ATP11A: variants seen among roughly 807,000 people sequenced by gnomAD.
ATP11A encodes the protein ATPase phospholipid transporting 11A, also known as phospholipid-transporting ATPase IH.
In ATP11A, 81 loss-of-function variants were observed where a neutral mutation model predicts 154.4. That is an observed-to-expected ratio of 0.52 (90% CI 0.44 to 0.63). The LOEUF is 0.63. Ranked by LOEUF, ATP11A falls within the 30% of genes least tolerant of loss-of-function variation. The pLI is 0.00. For missense variants in ATP11A, 1,316 were observed against 1,474.3 expected (o/e 0.89, Z 1.76); for synonymous variants, 623 against 585.9 (o/e 1.06, Z -0.91).
chr13:112,703,743 T>TC lies in ATP11A; in HGVS notation c.39+13291dup, dbSNP rs1354928067. Among the ~76,000 whole-genome samples, 4 of 152,218 alleles carry TC rather than the reference T, an allele frequency of 2.6e-5. 1 individual carries two copies. Among genetic ancestry groups the TC allele is most frequent in the African/African-American group, 7.2e-5 (3 of 41,534 alleles). On this transcript the variant is annotated intron_variant, in intron 1 of 29. Transcript: ENST00000375645. ...TATGTCTTCTTTTTGCTTTTTTTTTTCCCACTGGAGAAAGCTGGTAGGGGA... is the reference window on the plus strand; with the variant it reads ...TATGTCTTCTTTTTGCTTTTTTTTTTCCCCACTGGAGAAAGCTGGTAGGGGA...
chr13:112,728,483 G>A (rs754978333), intron 1 of ATP11A, among the ~76,000 whole-genome samples: 1 of 149,580 alleles, frequency 6.7e-6, no homozygotes, highest in Non-Finnish European at 1.5e-5. Context: ...CCGCTTCCCT[G>A]TGTTACCTGT....
intron 14 of ATP11A, among the ~76,000 whole-genome samples, chr13:112,833,974 C>T (rs918738769): frequency 3.3e-5 from 5 of 152,236 alleles, no homozygotes; most frequent in Non-Finnish European, 4.4e-5. Flanking sequence ...TGCCGCGAAG[C>T]ACGTCTGTCT....
At chr13:112,801,472 C>T (rs1420134202) in intron 2 of ATP11A, among the ~76,000 whole-genome samples, 1 of 152,166 alleles carries the variant, frequency 6.6e-6, no homozygotes, top group Non-Finnish European at 1.5e-5. Flanking sequence ...GAATAAAAGT[C>T]CTACAGATTG....
intron 16 of ATP11A, among the ~76,000 whole-genome samples, chr13:112,839,996 G>A (rs1422667937): frequency 3.9e-5 from 6 of 152,118 alleles, no homozygotes; most frequent in African/African-American, 1.2e-4. Context: ...TTTAACCCCC[G>A]GGCCCTGCTT....
chr13:112,764,624 C>T (rs1224114850), intron 1 of ATP11A, among the ~76,000 whole-genome samples: 6 of 152,208 alleles, frequency 3.9e-5, no homozygotes, highest in African/African-American at 1.4e-4. Flanking sequence ...CGAAGAGGAC[C>T]TGGAAGCCCA....
chr13:112,736,293 G>A (rs746366559), intron 1 of ATP11A, among the ~76,000 whole-genome samples: 46 of 152,178 alleles, frequency 3.0e-4, no homozygotes, highest in Non-Finnish European at 5.9e-4. Context: ...GCACCTTCAT[G>A]GGAGTTGCAT....
chr13:112,802,126 C>T (rs1371293556), intron 2 of ATP11A, among the ~76,000 whole-genome samples: 5 of 152,142 alleles, frequency 3.3e-5, no homozygotes, highest in East Asian at 1.9e-4. Flanking sequence ...GGGCGGATCA[C>T]GAGGTCAGGA....
Position 112,883,010 on chromosome 13 carries a change from G to A in ATP11A, c.*1144G>A, listed in dbSNP as rs190464046. On this transcript the variant is annotated 3_prime_UTR_variant, in exon 30 of 30. Coordinates refer to ENST00000375645, the MANE Select transcript of ATP11A (RefSeq NM_015205.3). ...GGGCTCTGCGTCCCCACGTCCCCTC[G>A]TCCCATCCCCACGTCCCCTCATCCC... 13 of 398,562 alleles carry A rather than the reference G, an allele frequency of 3.3e-5. No individual in the cohort carries two copies. Among genetic ancestry groups the A allele is most frequent in the Middle Eastern group, 6.3e-4 (1 of 1,582 alleles). 24.7% of individuals were successfully genotyped at this position (398,562 alleles called of 1,614,324 possible).
intron 16 of ATP11A, among the ~76,000 whole-genome samples, chr13:112,841,807 G>A (rs760856313): frequency 3.9e-5 from 6 of 152,252 alleles, no homozygotes; most frequent in African/African-American, 9.6e-5. Context: ...TACTGGACGT[G>A]TGGGAAAAAA....
At chr13:112,734,126 G>A (rs1419444532) in intron 1 of ATP11A, among the ~76,000 whole-genome samples, 1 of 152,162 alleles carries the variant, frequency 6.6e-6, no homozygotes, top group African/African-American at 2.4e-5. Flanking sequence ...GTGCTCCTGG[G>A]CTTCACTAAC....
Position 112,875,878 on chromosome 13 carries a change from T to C in ATP11A, c.3264T>C (p.Leu1088=), listed in dbSNP as rs2080707088. ...AIVLLVTISL[L]PDVLKKVLCR... ...TGCTGCTGGTGACCATCAGCCTCCT[T>C]CCCGACGTCCTCAAGAAAGTCCTGT... The change falls in exon 28 of 30, where the codon CTT becomes CTC. Residue 1088 remains leucine, a synonymous_variant. Coordinates refer to ENST00000375645, the MANE Select transcript of ATP11A (RefSeq NM_015205.3). The surrounding 1 kb of genome is among the most constrained non-coding windows in gnomAD (Gnocchi z 4.1). 6.2e-7 allele frequency: 1 copy of C among 1,613,598 alleles called. No homozygotes were observed. The highest frequency in any genetic ancestry group is 1.3e-5 in the African/African-American group (1 of 74,914).
chr13:112,864,780 A>T, intron 25 of ATP11A, among the ~76,000 whole-genome samples: 1 of 58,628 alleles, frequency 1.7e-5, no homozygotes, highest in African/African-American at 1.8e-4. Flanking sequence ...AGTGCGGCCC[A>T]TGCAGCTTCT....
At position 112,883,218 on chromosome 13, in the gene ATP11A, A is replaced by G. The variant is rs778377104; in HGVS notation, c.*1352A>G. On this transcript the variant is annotated 3_prime_UTR_variant, in exon 30 of 30. Transcript: ENST00000375645. ...CTCTCCTTCGTCTTAGGATCTGTCC[A>G]GCGCTGCTCTGGGTGGGTTAGCAAC... 2.8e-5 allele frequency: 11 copies of G among 398,456 alleles called. No homozygotes were observed. The highest frequency in any genetic ancestry group is 4.4e-5 in the Non-Finnish European group (10 of 226,176). 24.7% of individuals were successfully genotyped at this position (398,456 alleles called of 1,614,324 possible).
At chr13:112,842,527 C>T in intron 17 of ATP11A, 148 bp downstream of exon 17, 1 of 699,858 alleles carries the variant, frequency 1.4e-6, no homozygotes, top group South Asian at 1.8e-5. Flanking sequence ...GGCAGACAGA[C>T]AGGCAGCCTC....
chr13:112,875,871 GCCT>G lies in ATP11A; in HGVS notation c.3261_3263del (p.Leu1088del), dbSNP rs2080706823. ...GCCATCGTGCTGCTGGTGACCATCA[GCCT>G]CCTTCCCGACGTCCTCAAGAAAGTC... On this transcript the variant is annotated inframe_deletion, in exon 28 of 30. Transcript: ENST00000375645. The surrounding 1 kb of genome is among the most constrained non-coding windows in gnomAD (Gnocchi z 4.1). The G allele has an allele frequency of 6.2e-7, 1 of 1,613,764 alleles. No homozygotes were observed. Among genetic ancestry groups the G allele is most frequent in the Non-Finnish European group, 8.5e-7 (1 of 1,180,046 alleles).
chr13:112,744,254 T>A (rs932750780), intron 1 of ATP11A, among the ~76,000 whole-genome samples: 1 of 151,644 alleles, frequency 6.6e-6, no homozygotes, highest in Non-Finnish European at 1.5e-5. Flanking sequence ...GACGGATTTC[T>A]CTGTCCTCCC....
At chr13:112,721,281 T>C (rs1457332162) in intron 1 of ATP11A, among the ~76,000 whole-genome samples, 2 of 152,064 alleles carry the variant, frequency 1.3e-5, no homozygotes, top group African/African-American at 4.8e-5. Context: ...AGCGTTAGGG[T>C]CCATCTTAGT....
intron 1 of ATP11A, among the ~76,000 whole-genome samples, chr13:112,778,971 G>A (rs866722591): frequency 9.0e-6 from 1 of 110,512 alleles, no homozygotes; most frequent in African/African-American, 3.2e-5. Flanking sequence ...GTGAGTAGCC[G>A]CTGGAGTGAG....
chr13:112,751,227 C>G (rs1169102378), intron 1 of ATP11A, among the ~76,000 whole-genome samples: 1 of 152,170 alleles, frequency 6.6e-6, no homozygotes, highest in Non-Finnish European at 1.5e-5. Context: ...AGGCATGTGT[C>G]TTGGTATTGT....
Sources: allele counts gnomAD v4.1 joint callset (sites outside exome capture counted in the v4.1 genomes callset), GRCh38; gene constraint gnomAD v4.1.1; non-coding constraint Gnocchi (gnomAD v3.1); transcripts MANE v1.5; gene names NCBI Gene and HGNC (gene_info 2026-07-23, HGNC 2026-07-21).